The following DDI2 variants were observed in gnomAD, a reference collection of about 807,000 sequenced individuals.
DDI2 encodes protein DDI1 homolog 2.
Under a neutral mutation model 48.1 loss-of-function variants are expected in DDI2, and 5 were observed. The ratio of observed to expected loss-of-function variants is 0.10; its 90% CI spans 0.05 to 0.22. DDI2 has a LOEUF of 0.22. DDI2 is among the 10% of genes least tolerant of loss of function. The probability of loss-of-function intolerance (pLI) is 1.00; values close to 1 mark genes in which losing one functional copy is unlikely to be tolerated. For synonymous variants in DDI2, 205 were observed against 183.6 expected (o/e 1.12, Z -0.94); for missense variants, 285 against 506.2 (o/e 0.56, Z 4.19).
intron 1 of DDI2, among the ~76,000 whole-genome samples, chr1:15,621,257 C>A (rs550855849): frequency 5.9e-5 from 9 of 152,168 alleles, no homozygotes; most frequent in African/African-American, 1.9e-4. Flanking sequence ...GATAATTTAC[C>A]TCTGTAGGTG....
At position 15,651,804 on chromosome 1, in the gene DDI2, G is replaced by C. The variant is rs1284500174; in HGVS notation, c.1092G>C (p.Leu364Phe). 2 of 1,614,092 alleles carry C rather than the reference G, an allele frequency of 1.2e-6. No individual in the cohort carries two copies. The highest frequency in any genetic ancestry group is 3.3e-5 in the Admixed American group (2 of 60,024). The change falls in exon 8 of 10, where the codon TTG (leucine) becomes TTC (phenylalanine). Residue 364 changes from leucine to phenylalanine, a missense_variant. Leu to Phe is a conservative substitution (Grantham distance 22). Around this residue, in one of 3 missense-constraint regions of DDI2, gnomAD observed 66 missense variants for 87.3 expected, o/e 0.76. Transcript: ENST00000480945. The stretch of plus-strand genomic sequence containing the variant: ...GAGAGCTACCAGAGTGTGCCCGGTT[G>C]GCATATGGGGCTGGAAGAGAGGATG... ...PEGELPECAR[L>F]AYGAGREDVR...
Position 15,649,707 on chromosome 1 carries a change from A to G in DDI2, c.890-13A>G, listed in dbSNP as rs746737771. ...TACGTAACAATAACCTTTTCTCTTC[A>G]TGTGCTTTTTAGCTCAGGTTCAGAT... On this transcript the variant is annotated splice_polypyrimidine_tract_variant and intron_variant, in intron 6 of 9. Transcript: ENST00000480945. 6 of 1,604,644 alleles carry G rather than the reference A, an allele frequency of 3.7e-6. No homozygotes were observed. The highest frequency in any genetic ancestry group is 2.7e-5 in the African/African-American group (2 of 74,284).
At chr1:15,654,146 TAA>T (rs1263495037) in intron 8 of DDI2, among the ~76,000 whole-genome samples, 1 of 152,158 alleles carries the variant, frequency 6.6e-6, no homozygotes, top group African/African-American at 2.4e-5. Context: ...AGTAAATTAT[TAA>T]GAGTTACAAG....
At chr1:15,638,463 C>A in intron 5 of DDI2, 29 bp downstream of exon 5, 2 of 1,609,254 alleles carry the variant, frequency 1.2e-6, no homozygotes, top group South Asian at 2.2e-5. Context: ...ATTTCTTGGT[C>A]TCCCCTCCAA....
rs1400800089 is a variant in DDI2, at chr1:15,627,601, A to T, written c.268+803A>T. 2.6e-5 allele frequency among the ~76,000 whole-genome samples: 4 copies of T among 152,218 alleles called. No individual in the cohort carries two copies. The South Asian group carries it at 8.3e-4, about 32-fold the overall frequency. ...GGATGTGAATGTGTGTGTGCACTGG[A>T]TAGAGAGAGGGTCATAGCTTTGTTC... On this transcript the variant is annotated intron_variant, in intron 2 of 9. Transcript: ENST00000480945.
chr1:15,662,838 T>C lies in DDI2; in HGVS notation c.*3048T>C, dbSNP rs922523907. 4.6e-5 allele frequency: 7 copies of C among 152,242 alleles called. No individual in the cohort carries two copies. The highest frequency in any genetic ancestry group is 1.0e-4 in the Non-Finnish European group (7 of 68,042). The allele number at this position is 152,242 out of a possible 1,614,324, so 9.4% of individuals were successfully genotyped here. On this transcript the variant is annotated 3_prime_UTR_variant, in exon 10 of 10. Coordinates refer to ENST00000480945, the MANE Select transcript of DDI2 (RefSeq NM_032341.5). ...GAAATAGTAATTACAGTTTCTGACTTAAGTGGCCTTGGTAGAGTTTTCCAT... is the reference window on the plus strand; with the variant it reads ...GAAATAGTAATTACAGTTTCTGACTCAAGTGGCCTTGGTAGAGTTTTCCAT...
At chr1:15,656,335 T>TCTCA in intron 8 of DDI2, 1 of 1,158,344 alleles carries the variant, frequency 8.6e-7, no homozygotes, top group Non-Finnish European at 1.1e-6. Context: ...TCTTCACCTG[T>TCTCA]CTCACATTTG....
chr1:15,633,505 G>A lies in DDI2; in HGVS notation c.572G>A (p.Arg191His), dbSNP rs773160744. The A allele has an allele frequency of 2.5e-6, 4 of 1,613,642 alleles. No homozygotes were observed. Among genetic ancestry groups the A allele is most frequent in the Non-Finnish European group, 3.4e-6 (4 of 1,179,768 alleles). The change falls in exon 4 of 10, where the codon CGT becomes CAT. Residue 191 changes from arginine to histidine, a missense_variant. By Grantham distance (29) the Arg-to-His change is conservative (BLOSUM62 0). Transcript: ENST00000480945. ...GCCCGGAGAGAGCAAGAAAGGATTC[G>A]TCTGTTTTCTGCTGATCCCTTTGAC... ...DRARREQERI[R>H]LFSADPFDLE...
chr1:15,626,978 T>C, intron 2 of DDI2, 180 bp downstream of exon 2: 1 of 775,700 alleles, frequency 1.3e-6, no homozygotes, highest in Non-Finnish European at 2.0e-6. Context: ...GGTTTCCTCT[T>C]CTATAAGTTA....
In DDI2 at chr1:15,664,784, C is replaced by G. The variant is rs954994511; in HGVS notation, c.*4994C>G. The G allele has an allele frequency of 6.6e-6, 1 of 152,210 alleles. No homozygotes were observed. Among genetic ancestry groups the G allele is most frequent in the African/African-American group, 2.4e-5 (1 of 41,446 alleles). 9.4% of individuals were successfully genotyped at this position (152,210 alleles called of 1,614,324 possible). A position where few individuals can be genotyped will look rare whatever the true frequency, so the allele number is the denominator to read the frequency against. ...GAAGATTTTCCTGTGTAATTTGTGC[C>G]ATTTCCCTGAAGTTGGTTCTTGAGC... On this transcript the variant is annotated 3_prime_UTR_variant, in exon 10 of 10. Transcript: ENST00000480945.
rs1199652737 is a variant in DDI2, at chr1:15,661,742, AC to A, written c.*1954del. ...ACATGACTGTGGGAAAGTGGGCTAG[AC>A]CGTTCTCCATTCCCTTTAAACAAAA... On this transcript the variant is annotated 3_prime_UTR_variant, in exon 10 of 10. Coordinates refer to ENST00000480945, the MANE Select transcript of DDI2 (RefSeq NM_032341.5). 7.6e-6 allele frequency: 12 copies of A among 1,582,744 alleles called. No homozygotes were observed. The highest frequency in any genetic ancestry group is 1.0e-5 in the Non-Finnish European group (12 of 1,164,364).
intron 5 of DDI2, 148 bp downstream of exon 5, chr1:15,638,582 CA>C (rs1639961491): frequency 1.1e-6 from 1 of 882,488 alleles, no homozygotes; most frequent in Admixed American, 2.6e-5. Context: ...TCACCCAGGC[CA>C]AAGTGCAGTG....
At chr1:15,656,914 A>T in intron 9 of DDI2, 1 of 451,202 alleles carries the variant, frequency 2.2e-6, no homozygotes, top group Non-Finnish European at 3.9e-6. Flanking sequence ...AGAAAATCCC[A>T]GTTAAAACAG....
intron 6 of DDI2, among the ~76,000 whole-genome samples, chr1:15,644,850 C>T (rs1282627341): frequency 7.2e-5 from 11 of 152,050 alleles, no homozygotes; most frequent in African/African-American, 2.2e-4. Context: ...GCCTCGGCCT[C>T]CCAAAGTGCT....
chr1:15,645,809 G>A (rs1640081560), intron 6 of DDI2, among the ~76,000 whole-genome samples: 1 of 150,134 alleles, frequency 6.7e-6, no homozygotes, highest in Non-Finnish European at 1.5e-5. Flanking sequence ...GATAGAGGCT[G>A]CAGTGAGCTG....
intron 8 of DDI2, among the ~76,000 whole-genome samples, chr1:15,654,922 C>T (rs1640248685): frequency 6.8e-6 from 1 of 147,158 alleles, no homozygotes; most frequent in African/African-American, 2.5e-5. Context: ...GATATATTAT[C>T]ATTTTATGAA....
chr1:15,652,003 G>T, intron 8 of DDI2, 108 bp downstream of exon 8: 2 of 1,082,944 alleles, frequency 1.8e-6, no homozygotes, highest in South Asian at 4.3e-5. Context: ...TAGTCTCATG[G>T]TCCAGTAGTA....
chr1:15,635,099 T>G (rs1043449971), intron 4 of DDI2, among the ~76,000 whole-genome samples: 1 of 151,956 alleles, frequency 6.6e-6, no homozygotes, highest in Non-Finnish European at 1.5e-5. Flanking sequence ...TGTGGTGGCA[T>G]GCACCTGCAG....
In DDI2 at chr1:15,661,174, A is replaced by G. The variant is rs2148308680; in HGVS notation, c.*1384A>G. The G allele has an allele frequency of 1.2e-6, 2 of 1,614,158 alleles. No individual in the cohort carries two copies. Among genetic ancestry groups the G allele is most frequent in the Non-Finnish European group, 8.5e-7 (1 of 1,180,026 alleles). On this transcript the variant is annotated 3_prime_UTR_variant, in exon 10 of 10. Transcript: ENST00000480945. The stretch of plus-strand genomic sequence containing the variant: ...AAAATTAACAGGTACTTCATCTGAC[A>G]CTGGAAGAGAAGCTGTAGAAAATGT...
Sources: allele counts gnomAD v4.1 joint callset (sites outside exome capture counted in the v4.1 genomes callset), GRCh38; gene constraint gnomAD v4.1.1; regional missense constraint gnomAD v4.1.1; transcripts MANE v1.5; gene names NCBI Gene and HGNC (gene_info 2026-07-23, HGNC 2026-07-21).